The following SLIT3 variants were observed in gnomAD, a reference collection of about 807,000 sequenced individuals.
SLIT3 encodes the protein slit guidance ligand 3, also known as slit homolog 3 protein.
Under a neutral mutation model 184.0 loss-of-function variants are expected in SLIT3, and 68 were observed. The ratio of observed to expected loss-of-function variants is 0.37; its 90% CI spans 0.30 to 0.45. SLIT3 has a LOEUF of 0.45. SLIT3 is among the 20% of genes least tolerant of loss of function. The pLI is 1.00. For synonymous variants in SLIT3, 831 were observed against 828.6 expected, an observed-to-expected ratio of 1.00 and a Z score of -0.05; for missense variants, 1,707 against 2,026.0, an observed-to-expected ratio of 0.84 and a Z score of 3.02.
At chr5:168,849,360 T>G (rs1447753618) in intron 5 of SLIT3, among the ~76,000 whole-genome samples, 1 of 152,216 alleles carries the variant, frequency 6.6e-6, no homozygotes, top group Admixed American at 6.5e-5. Context: ...CTTCTGTTCA[T>G]GTTCCTCCTC....
At chr5:169,004,477 G>T (rs1755838057) in intron 4 of SLIT3, among the ~76,000 whole-genome samples, 1 of 152,068 alleles carries the variant, frequency 6.6e-6, no homozygotes, top group Non-Finnish European at 1.5e-5. Context: ...GAGCCCTCTG[G>T]GCCTTCCTCC....
intron 27 of SLIT3, among the ~76,000 whole-genome samples, chr5:168,700,268 G>C (rs892409935): frequency 8.5e-5 from 13 of 152,162 alleles, no homozygotes; most frequent in Non-Finnish European, 1.8e-4. Flanking sequence ...AGTGTCAAGG[G>C]TGGGGCCAGG....
chr5:169,162,515 G>A (rs1329492838), intron 4 of SLIT3, among the ~76,000 whole-genome samples: 1 of 152,094 alleles, frequency 6.6e-6, no homozygotes, highest in African/African-American at 2.4e-5. Context: ...GATGCCATGG[G>A]GACACAAAGA....
intron 4 of SLIT3, among the ~76,000 whole-genome samples, chr5:169,053,015 C>G (rs1314324194): frequency 2.0e-5 from 3 of 152,166 alleles, no homozygotes; most frequent in Non-Finnish European, 4.4e-5. Context: ...GAGCTATCGG[C>G]ACCGGATGAA....
At chr5:169,073,522 G>C (rs973941173) in intron 4 of SLIT3, among the ~76,000 whole-genome samples, 1 of 152,050 alleles carries the variant, frequency 6.6e-6, no homozygotes, top group East Asian at 1.9e-4. Flanking sequence ...TGTCAGTGAT[G>C]TGATTTGGAT....
At chr5:169,218,909 G>C (rs926484504) in intron 3 of SLIT3, among the ~76,000 whole-genome samples, 4 of 152,146 alleles carry the variant, frequency 2.6e-5, no homozygotes, top group African/African-American at 9.7e-5. Context: ...ACCCAGCCAC[G>C]GTCTCCAGCT....
intron 4 of SLIT3, among the ~76,000 whole-genome samples, chr5:168,937,657 G>T (rs374275850): frequency 6.6e-6 from 1 of 152,058 alleles, no homozygotes; most frequent in African/African-American, 2.4e-5. Flanking sequence ...GGTGGTAGGC[G>T]GGGATCACAG....
rs530307205 is a variant in SLIT3, at chr5:169,059,515, T to C, written c.413+133964A>G. Among the ~76,000 whole-genome samples the C allele has an allele frequency of 1.2e-4, 19 of 152,172 alleles. No individual in the cohort carries two copies. The Middle Eastern group carries it at 0.01, about 82-fold the overall frequency. Reference sequence around the variant, plus strand: ...TAGAAGGGCAGTGATTTGAACCCAATGCTCTCGGTCCCAAAGCCCCTTATC... The same window carrying C: ...TAGAAGGGCAGTGATTTGAACCCAACGCTCTCGGTCCCAAAGCCCCTTATC... On this transcript the variant is annotated intron_variant, in intron 4 of 35. Coordinates refer to ENST00000519560, the MANE Select transcript of SLIT3 (RefSeq NM_003062.4).
At chr5:169,199,124 G>C (rs184238250) in intron 3 of SLIT3, among the ~76,000 whole-genome samples, 135 of 152,160 alleles carry the variant, frequency 8.9e-4, no homozygotes, top group Middle Eastern at 3.4e-3. Flanking sequence ...AGTGTTCTTG[G>C]GTAACTAGTG....
At chr5:168,996,416 G>A (rs1264260749) in intron 4 of SLIT3, among the ~76,000 whole-genome samples, 1 of 152,110 alleles carries the variant, frequency 6.6e-6, no homozygotes, top group Non-Finnish European at 1.5e-5. Context: ...TGGAGCTAAA[G>A]TTTCATTTTT....
chr5:168,969,024 T>G (rs1257587610), intron 4 of SLIT3, among the ~76,000 whole-genome samples: 1 of 152,144 alleles, frequency 6.6e-6, no homozygotes, highest in Non-Finnish European at 1.5e-5. Flanking sequence ...GGAGGAGTTT[T>G]GTTCAGAAAA....
intron 4 of SLIT3, among the ~76,000 whole-genome samples, chr5:169,076,728 G>A (rs1758757625): frequency 6.6e-6 from 1 of 152,006 alleles, no homozygotes; most frequent in Non-Finnish European, 1.5e-5. Flanking sequence ...GTAGGATGTG[G>A]GTGAATATAA....
At chr5:169,022,941 C>T (rs979054878) in intron 4 of SLIT3, 1 of 152,016 alleles carries the variant, frequency 6.6e-6, no homozygotes, top group African/African-American at 2.4e-5. Context: ...AAAAGGTGAA[C>T]AGGTAATAAG....
chr5:169,211,068 T>A (rs1045686290), intron 3 of SLIT3, among the ~76,000 whole-genome samples: 3 of 152,076 alleles, frequency 2.0e-5, no homozygotes. Flanking sequence ...AGAACCCAAA[T>A]AGAAGGAGAA....
At chr5:168,927,692 T>C (rs1761874072) in intron 4 of SLIT3, among the ~76,000 whole-genome samples, 1 of 152,236 alleles carries the variant, frequency 6.6e-6, no homozygotes, top group South Asian at 2.1e-4. Context: ...TCTGTCTCCC[T>C]GAGCTGCTCT....
chr5:169,081,019 G>GCCGCCC (rs1273668631), intron 4 of SLIT3, among the ~76,000 whole-genome samples: 4 of 152,174 alleles, frequency 2.6e-5, no homozygotes, highest in Admixed American at 2.6e-4. Flanking sequence ...GAGCACTGTG[G>GCCGCCC]CTGCCCCCGC....
intron 1 of SLIT3, among the ~76,000 whole-genome samples, chr5:169,283,319 T>A (rs1320568948): frequency 6.6e-6 from 1 of 152,206 alleles, no homozygotes; most frequent in African/African-American, 2.4e-5. Context: ...AGAACAGGTC[T>A]TGGCGGGGTG....
At chr5:169,084,453 GATTTTTTTT>G (rs556277692) in intron 4 of SLIT3, among the ~76,000 whole-genome samples, 5,384 of 121,438 alleles carry the variant, frequency 0.044, 113 homozygotes, top group Middle Eastern at 0.14. Context: ...ACCATGCCCA[GATTTTTTTT>G]TTTTTTTTTT....
At chr5:169,228,213 G>A (rs1237292276) in intron 3 of SLIT3, among the ~76,000 whole-genome samples, 1 of 152,262 alleles carries the variant, frequency 6.6e-6, no homozygotes, top group East Asian at 1.9e-4. Flanking sequence ...GCTCCTGGGA[G>A]AAAAACCTAG....
Sources: gnomAD v4.1 joint callset for allele counts (sites outside exome capture counted in the v4.1 genomes callset) on GRCh38, gnomAD v4.1.1 for gene constraint, MANE v1.5 for transcripts, NCBI Gene and HGNC (gene_info 2026-07-23, HGNC 2026-07-21) for gene names.